Variants in FKBP10 observed in about 807,000 individuals in gnomAD.
FKBP10 encodes peptidyl-prolyl cis-trans isomerase FKBP10.
A neutral mutation model predicts 53.7 loss-of-function variants in FKBP10; 34 were observed. The observed-to-expected ratio is 0.63, with a 90% CI of 0.48 to 0.84. FKBP10 has a LOEUF of 0.84. Ranked by LOEUF, FKBP10 falls within the 40% of genes least tolerant of loss-of-function variation. The probability of loss-of-function intolerance (pLI) is 0.00; values close to 1 mark genes in which losing one functional copy is unlikely to be tolerated. For missense variants in FKBP10, 748 were observed against 797.8 expected (o/e 0.94, Z 0.75); for synonymous variants, 324 against 335.7 (o/e 0.97, Z 0.38).
chr17:41,814,827 G>T (rs535722913), intron 1 of FKBP10, among the ~76,000 whole-genome samples: 1 of 152,084 alleles, frequency 6.6e-6, no homozygotes, highest in Non-Finnish European at 1.5e-5. Flanking sequence ...CAACCTCCTG[G>T]GTTCAAGCAA....
At chr17:41,820,742 G>A in intron 7 of FKBP10, 3 of 742,488 alleles carry the variant, frequency 4.0e-6, no homozygotes, top group Non-Finnish European at 6.4e-6. Context: ...GAGCCCTCGA[G>A]GCCACACTTT....
At chr17:41,820,704 C>A in intron 7 of FKBP10, 1 of 674,304 alleles carries the variant, frequency 1.5e-6, no homozygotes, top group Non-Finnish European at 2.5e-6. Context: ...TTCTATTTCA[C>A]AGAGGGGAAA....
intron 2 of FKBP10, among the ~76,000 whole-genome samples, chr17:41,817,432 C>T (rs1243841138): frequency 6.6e-6 from 1 of 151,758 alleles, no homozygotes. Flanking sequence ...GAGTTCCAGA[C>T]CAGCCTAGGC....
Position 41,822,996 on chromosome 17 carries a change from CT to C in FKBP10, c.*592del, listed in dbSNP as rs782180465. On this transcript the variant is annotated 3_prime_UTR_variant, in exon 10 of 10. Transcript: ENST00000321562. ...GGAGGCCAGACTGGGCTGTAGTTAGCTTTTCATCCCTAAAGAAGGCTCCTTT... is the reference window on the plus strand; with the variant it reads ...GGAGGCCAGACTGGGCTGTAGTTAGCTTTCATCCCTAAAGAAGGCTCCTTT... The C allele has an allele frequency of 3.5e-5, 4 of 113,934 alleles. No individual in the cohort carries two copies. The highest frequency in any genetic ancestry group is 9.3e-5 in the Admixed American group (1 of 10,780). The allele number at this position is 113,934 out of a possible 1,614,324, so 7.1% of individuals were successfully genotyped here. A position where few individuals can be genotyped will look rare whatever the true frequency, so the allele number is the denominator to read the frequency against.
chr17:41,819,946 C>G (rs2047869131), intron 6 of FKBP10: 1 of 1,533,480 alleles, frequency 6.5e-7, no homozygotes. Context: ...ACAGAACCAG[C>G]ATACCCCCAG....
rs782474069 is a variant in FKBP10, at chr17:41,818,468, C to T, written c.668C>T (p.Pro223Leu). 6.2e-7 allele frequency: 1 copy of T among 1,614,168 alleles called. No individual in the cohort carries two copies. Among genetic ancestry groups the T allele is most frequent in the African/African-American group, 1.3e-5 (1 of 75,050 alleles). ...GACCAGGGGCTGCTGGGCATGTGTC[C>T]TGGAGAGAGAAGGAAGATTATCATC... Reference protein sequence around the residue: ...GMDQGLLGMCPGERRKIIIPP... With the variant: ...GMDQGLLGMCLGERRKIIIPP... The change falls in exon 4 of 10, where the codon CCT (proline) becomes CTT (leucine). Residue 223 changes from proline (P) to leucine (L), a missense_variant. Coordinates refer to ENST00000321562, the MANE Select transcript of FKBP10 (RefSeq NM_021939.4).
chr17:41,822,769 C>A lies in FKBP10; in HGVS notation c.*361C>A, dbSNP rs1339702954. The A allele has an allele frequency of 3.0e-5, 11 of 372,736 alleles. No homozygotes were observed. In the East Asian group the frequency reaches 7.1e-4, roughly 24 times the overall value. 23.1% of individuals were successfully genotyped at this position (372,736 alleles called of 1,614,324 possible). A position where few individuals can be genotyped will look rare whatever the true frequency, so the allele number is the denominator to read the frequency against. On this transcript the variant is annotated 3_prime_UTR_variant, in exon 10 of 10. Coordinates refer to ENST00000321562, the MANE Select transcript of FKBP10 (RefSeq NM_021939.4). ...CTTGTTATCCATCTCCCCAAACTTT[C>A]TCTTTCTTTGTACTTCTTGTCATCC... is the stretch of plus-strand genomic sequence containing the variant.
At chr17:41,820,574 G>A (rs1257426932) in intron 7 of FKBP10, 113 bp downstream of exon 7, 22 of 1,119,464 alleles carry the variant, frequency 2.0e-5, no homozygotes, top group Non-Finnish European at 2.9e-5. Flanking sequence ...AGCGCCAGGG[G>A]AGCATTCAAC....
chr17:41,820,177 A>G (rs2047872232), intron 6 of FKBP10, 92 bp from the exon 7 acceptor site: 5 of 1,411,596 alleles, frequency 3.5e-6, no homozygotes, highest in Non-Finnish European at 5.0e-6. Context: ...AGGGTCGGGA[A>G]GGGGTATCAG....
chr17:41,820,166 C>T, intron 6 of FKBP10, 103 bp from the exon 7 acceptor site: 2 of 1,372,784 alleles, frequency 1.5e-6, no homozygotes, highest in Non-Finnish European at 2.1e-6. Context: ...TTTGGATCCT[C>T]AGGGTCGGGA....
intron 6 of FKBP10, chr17:41,819,942 C>T: frequency 6.5e-7 from 1 of 1,534,262 alleles, no homozygotes; most frequent in Non-Finnish European, 8.8e-7. Flanking sequence ...AAAAACAGAA[C>T]CAGCATACCC....
chr17:41,815,230 A>G (rs1332849146), intron 1 of FKBP10, among the ~76,000 whole-genome samples: 1 of 152,156 alleles, frequency 6.6e-6, no homozygotes, highest in Non-Finnish European at 1.5e-5. Flanking sequence ...TCTACGTGTC[A>G]CACAGTCAGA....
Position 41,813,241 on chromosome 17 carries a change from C to T in FKBP10, c.207C>T (p.Tyr69=). 6.2e-7 allele frequency: 1 copy of T among 1,613,858 alleles called. No individual in the cohort carries two copies. Among genetic ancestry groups the T allele is most frequent in the Non-Finnish European group, 8.5e-7 (1 of 1,179,988 alleles). ...TGGGGGATTTTGTGCGCTACCACTA[C>T]AACGGCACTTTTGAAGATGGCAAGA... is the stretch of plus-strand genomic sequence containing the variant. ...VQMGDFVRYH[Y]NGTFEDGKKF... Residue 69 remains tyrosine, a synonymous_variant, in exon 1 of 10, where the codon TAC becomes TAT. Coordinates refer to ENST00000321562, the MANE Select transcript of FKBP10 (RefSeq NM_021939.4).
intron 1 of FKBP10, among the ~76,000 whole-genome samples, chr17:41,813,623 G>A (rs952501182): frequency 2.0e-5 from 3 of 152,132 alleles, no homozygotes; most frequent in Non-Finnish European, 4.4e-5. Flanking sequence ...GGTCCCTGCT[G>A]CTTAAGAACC....
At position 41,822,391 on chromosome 17, in the gene FKBP10, G is replaced by A. The variant is rs1158213790; in HGVS notation, c.1732G>A (p.Val578Ile). ...GAAGTCAGATGAGGACGAGGAGCGG[G>A]TCCACGAGGAGCTCTGAGGGGCAGG... ...KLKSDEDEER[V>I]HEEL is the part of the protein sequence containing the mutation. Residue 578 changes from valine to isoleucine, a missense_variant, in exon 10 of 10, where the codon GTC becomes ATC. Physicochemically the swap from Val to Ile is conservative, Grantham distance 29. Coordinates refer to ENST00000321562, the MANE Select transcript of FKBP10 (RefSeq NM_021939.4). 1.2e-6 allele frequency: 2 copies of A among 1,608,226 alleles called. No homozygotes were observed. Among genetic ancestry groups the A allele is most frequent in the Non-Finnish European group, 1.7e-6 (2 of 1,177,344 alleles).
rs1555617310 is a variant in FKBP10, at chr17:41,822,255, G to A, written c.1596G>A (p.Glu532=). ...FSTFIKAQVS[E]GKGRLMPGQD... is the part of the protein sequence containing the mutation. The stretch of plus-strand genomic sequence containing the variant: ...CCTTCATCAAGGCTCAAGTGAGTGA[G>A]GGCAAAGGACGCCTCATGCCTGGGC... The change falls in exon 10 of 10, where the codon GAG becomes GAA. Residue 532 remains glutamate, a synonymous_variant. Transcript: ENST00000321562. 6.2e-7 allele frequency: 1 copy of A among 1,613,738 alleles called. No individual in the cohort carries two copies. Among genetic ancestry groups the A allele is most frequent in the Admixed American group, 1.7e-5 (1 of 59,968 alleles).
intron 4 of FKBP10, chr17:41,818,977 AG>A: frequency 1.9e-6 from 1 of 525,658 alleles, no homozygotes; most frequent in South Asian, 2.3e-5. Flanking sequence ...AAAAAAAAGA[AG>A]GGGTGCTTTA....
In FKBP10 at chr17:41,822,550, T is replaced by TGTCTC; in HGVS notation, c.*142_*143insGTCTC. ...AACTAAAACAATGGCAGAGGAGACATCTCTGGTGTTCCCACCACCCTAGAT... is the reference window on the plus strand; with the variant it reads ...AACTAAAACAATGGCAGAGGAGACATGTCTCCTCTGGTGTTCCCACCACCCTAGAT... On this transcript the variant is annotated 3_prime_UTR_variant, in exon 10 of 10. Transcript: ENST00000321562. 4 of 883,546 alleles carry TGTCTC rather than the reference T, an allele frequency of 4.5e-6. No homozygotes were observed. The highest frequency in any genetic ancestry group is 7.2e-6 in the Non-Finnish European group (4 of 555,566). 54.7% of individuals were successfully genotyped at this position (883,546 alleles called of 1,614,324 possible).
chr17:41,813,635 T>C (rs1234062284), intron 1 of FKBP10, among the ~76,000 whole-genome samples: 3 of 152,110 alleles, frequency 2.0e-5, no homozygotes, highest in Non-Finnish European at 4.4e-5. Flanking sequence ...TTAAGAACCC[T>C]GGGATGGTCT....
Sources: allele counts gnomAD v4.1 joint callset (sites outside exome capture counted in the v4.1 genomes callset), GRCh38; gene constraint gnomAD v4.1.1; transcripts MANE v1.5; gene names NCBI Gene and HGNC (gene_info 2026-07-23, HGNC 2026-07-21).